SUGT1: variants seen among roughly 807,000 people sequenced by gnomAD.
SUGT1 encodes the protein SGT1 assembly cochaperone of MIS12 kinetochore complex.
A neutral mutation model predicts 56.1 loss-of-function variants in SUGT1; 15 were observed. The observed-to-expected ratio is 0.27, with a 90% CI of 0.18 to 0.41. The LOEUF (loss-of-function observed/expected upper bound fraction) is 0.41, where lower values mean the gene tolerates loss of function less well. Ranked by LOEUF, SUGT1 falls within the 10% of genes least tolerant of loss-of-function variation. The pLI is 1.00. For synonymous variants in SUGT1, 123 were observed against 128.6 expected (o/e 0.96, Z 0.30); for missense variants, 347 against 382.2 (o/e 0.91, Z 0.77).
At chr13:52,656,695 G>C (rs1309561174) in intron 2 of SUGT1, among the ~76,000 whole-genome samples, 2 of 152,136 alleles carry the variant, frequency 1.3e-5, no homozygotes, top group Non-Finnish European at 2.9e-5. Context: ...ATCTGTATAT[G>C]TTGCTTTCTG....
intron 11 of SUGT1, among the ~76,000 whole-genome samples, chr13:52,677,724 G>C (rs1313876779): frequency 6.6e-6 from 1 of 151,558 alleles, no homozygotes; most frequent in Non-Finnish European, 1.5e-5. Context: ...TTGTCTACTT[G>C]TTGCATACTG....
chr13:52,670,669 G>T (rs1450313890), intron 10 of SUGT1, among the ~76,000 whole-genome samples: 1 of 152,082 alleles, frequency 6.6e-6, no homozygotes, highest in African/African-American at 2.4e-5. Flanking sequence ...TGAACTGGAC[G>T]TGGTGACGGG....
intron 10 of SUGT1, among the ~76,000 whole-genome samples, chr13:52,675,245 C>T (rs1963098264): frequency 6.6e-6 from 1 of 152,188 alleles, no homozygotes; most frequent in Non-Finnish European, 1.5e-5. Flanking sequence ...AAGTATCTCA[C>T]ATACTTCCAA....
At chr13:52,674,001 T>C (rs1240457941) in intron 10 of SUGT1, among the ~76,000 whole-genome samples, 1 of 152,068 alleles carries the variant, frequency 6.6e-6, no homozygotes, top group Non-Finnish European at 1.5e-5. Context: ...TTATGAAATA[T>C]GTTTTTATAT....
chr13:52,667,971 A>AC (rs1350726296), intron 10 of SUGT1, among the ~76,000 whole-genome samples: 2 of 148,500 alleles, frequency 1.3e-5, no homozygotes, highest in African/African-American at 5.1e-5. Context: ...TTCCATTACT[A>AC]CTTTTTTTTT....
At chr13:52,659,303 CA>C in intron 5 of SUGT1, 54 bp downstream of exon 5, 1 of 1,131,274 alleles carries the variant, frequency 8.8e-7, no homozygotes, top group Non-Finnish European at 1.2e-6. Context: ...TCTTAAATAC[CA>C]AAGCTGAATT....
intron 10 of SUGT1, among the ~76,000 whole-genome samples, chr13:52,667,806 T>G (rs1962776279): frequency 6.6e-6 from 1 of 152,114 alleles, no homozygotes. Context: ...CCCTGTGTAT[T>G]TAGTCTAGGC....
At chr13:52,680,881 G>C (rs891535326) in intron 12 of SUGT1, among the ~76,000 whole-genome samples, 3 of 152,140 alleles carry the variant, frequency 2.0e-5, no homozygotes, top group Non-Finnish European at 4.4e-5. Context: ...TCACTCTGTT[G>C]CCCAGGCTTG....
At chr13:52,665,578 T>G in intron 8 of SUGT1, 59 bp from the exon 9 acceptor site, 1 of 1,328,288 alleles carries the variant, frequency 7.5e-7, no homozygotes, top group African/African-American at 1.5e-5. Context: ...GTTTTTGTTT[T>G]GACAATAGCT....
chr13:52,670,355 T>G (rs1962878597), intron 10 of SUGT1, among the ~76,000 whole-genome samples: 1 of 152,228 alleles, frequency 6.6e-6, no homozygotes, highest in African/African-American at 2.4e-5. Context: ...AGCTTTAATG[T>G]CAGCCTATTA....
chr13:52,653,060 T>G lies in SUGT1; in HGVS notation c.53T>G (p.Phe18Cys), dbSNP rs757454907. 9 of 1,614,148 alleles carry G rather than the reference T, an allele frequency of 5.6e-6. No homozygotes were observed. Among genetic ancestry groups the G allele is most frequent in the South Asian group, 3.3e-5 (3 of 91,082 alleles). ...TTTCCTGACAGGTTTTTCCAGAGCT[T>G]CTCGGATGCCCTAATCGACGAGGAC... ...TATSQRFFQS[F>C]SDALIDEDPQ... is the part of the protein sequence containing the mutation. The change falls in exon 2 of 13, where the codon TTC becomes TGC. Residue 18 changes from phenylalanine (F) to cysteine (C), a missense_variant. By Grantham distance (205) the Phe-to-Cys change is radical. Transcript: ENST00000310528.
chr13:52,694,686 GTTTGTTTTTGTT>G lies in SUGT1; in HGVS notation c.*6862_*6873del, dbSNP rs961640957. 1.3e-5 allele frequency: 2 copies of G among 152,246 alleles called. No individual in the cohort carries two copies. The highest frequency in any genetic ancestry group is 2.1e-4 in the South Asian group (1 of 4,828). The allele number at this position is 152,246 out of a possible 1,614,324, so 9.4% of individuals were successfully genotyped here. On this transcript the variant is annotated 3_prime_UTR_variant, in exon 13 of 13. Transcript: ENST00000310528. ...TGAAAAGAAGCTGATATTTGTTTGT[GTTTGTTTTTGTT>G]TTTGTTTTTGAGACGGAGTCTTGCT...
chr13:52,670,106 T>G (rs1962870559), intron 10 of SUGT1, among the ~76,000 whole-genome samples: 1 of 152,208 alleles, frequency 6.6e-6, no homozygotes, highest in South Asian at 2.1e-4. Flanking sequence ...GGAATTCTCT[T>G]TTCTTTCCCA....
intron 10 of SUGT1, among the ~76,000 whole-genome samples, chr13:52,674,311 T>C (rs1173605436): frequency 6.6e-6 from 1 of 152,060 alleles, no homozygotes; most frequent in East Asian, 1.9e-4. Flanking sequence ...CTCGGCCTCC[T>C]AAGGTGCTGG....
chr13:52,654,746 C>T (rs1456717494), intron 2 of SUGT1, among the ~76,000 whole-genome samples: 1 of 152,192 alleles, frequency 6.6e-6, no homozygotes, highest in Admixed American at 6.5e-5. Context: ...AGTATACATT[C>T]ATATTGTGTG....
At chr13:52,656,547 C>G (rs185823263) in intron 2 of SUGT1, among the ~76,000 whole-genome samples, 1 of 152,160 alleles carries the variant, frequency 6.6e-6, no homozygotes, top group Admixed American at 6.5e-5. Context: ...TTCCATCAAA[C>G]GTAAGGTCCA....
chr13:52,674,566 T>G (rs190919168), intron 10 of SUGT1, among the ~76,000 whole-genome samples: 1 of 152,292 alleles, frequency 6.6e-6, no homozygotes, highest in Admixed American at 6.5e-5. Flanking sequence ...GCTAAATGCA[T>G]TTGGTATAAA....
Position 52,695,286 on chromosome 13 carries a change from A to G in SUGT1, c.*7451A>G, listed in dbSNP as rs1232520595. 6.6e-6 allele frequency: 1 copy of G among 152,162 alleles called. No homozygotes were observed. The highest frequency in any genetic ancestry group is 3.2e-3 in the Middle Eastern group (1 of 316). 9.4% of individuals were successfully genotyped at this position (152,162 alleles called of 1,614,324 possible). A position where few individuals can be genotyped will look rare whatever the true frequency, so the allele number is the denominator to read the frequency against. ...CCTTTATTATTGTTATTATTTTGCT[A>G]TTTCAAAACAATTGACTTTAAAAAA... On this transcript the variant is annotated 3_prime_UTR_variant, in exon 13 of 13. Transcript: ENST00000310528.
chr13:52,694,122 A>AT lies in SUGT1; in HGVS notation c.*6289dup, dbSNP rs751449099. ...GGGGAACTATTAATAGTCTATCTGT[A>AT]TTGCATTATCTTCTAAAATCCAAAA... On this transcript the variant is annotated 3_prime_UTR_variant, in exon 13 of 13. Transcript: ENST00000310528. 5.3e-5 allele frequency: 8 copies of AT among 152,210 alleles called. No homozygotes were observed. Among genetic ancestry groups the AT allele is most frequent in the Non-Finnish European group, 7.3e-5 (5 of 68,036 alleles). 9.4% of individuals were successfully genotyped at this position (152,210 alleles called of 1,614,324 possible).
Sources: allele counts gnomAD v4.1 joint callset (sites outside exome capture counted in the v4.1 genomes callset), GRCh38; gene constraint gnomAD v4.1.1; transcripts MANE v1.5; gene names NCBI Gene and HGNC (gene_info 2026-07-23, HGNC 2026-07-21).